Variants in LXN observed in about 807,000 individuals in gnomAD.
The protein encoded by LXN is latexin, also known as MUM.
Under a neutral mutation model 29.8 loss-of-function variants are expected in LXN, and 28 were observed. The observed-to-expected ratio is 0.94, with a 90% CI of 0.70 to 1.29. LXN has a LOEUF of 1.29. Among genes scored for constraint, LXN ranks in the 50% most tolerant of loss-of-function variants. The pLI, the probability that LXN is intolerant of heterozygous loss-of-function variation, is 0.00. For synonymous variants in LXN, 77 were observed against 89.6 expected, an observed-to-expected ratio of 0.86 and a Z score of 0.80; for missense variants, 227 against 261.7, an observed-to-expected ratio of 0.87 and a Z score of 0.92.
intron 1 of LXN, among the ~76,000 whole-genome samples, chr3:158,671,682 G>C (rs1044332527): frequency 3.9e-5 from 6 of 152,120 alleles, no homozygotes; most frequent in African/African-American, 7.2e-5. Context: ...GATAAATAAG[G>C]GATAATCTCA....
chr3:158,670,188 C>T (rs1295092376), intron 2 of LXN, among the ~76,000 whole-genome samples: 1 of 152,176 alleles, frequency 6.6e-6, no homozygotes, highest in Non-Finnish European at 1.5e-5. Flanking sequence ...ATTGCAGTTC[C>T]TTTCTTTTAA....
Position 158,667,081 on chromosome 3 carries a change from CA to C in LXN, c.508-8del. On this transcript the variant is annotated splice_polypyrimidine_tract_variant and splice_region_variant and intron_variant, in intron 4 of 5. Transcript: ENST00000264265. ...TAAAGTCATCATTTCTTTGCTATGACAAAAAATAAAAACGTGTTGTTTAAAA... is the reference window on the plus strand; with the variant it reads ...TAAAGTCATCATTTCTTTGCTATGACAAAAATAAAAACGTGTTGTTTAAAA... The C allele has an allele frequency of 6.4e-7, 1 of 1,571,952 alleles. No individual in the cohort carries two copies. The highest frequency in any genetic ancestry group is 8.6e-7 in the Non-Finnish European group (1 of 1,165,182).
rs773394841 is a variant in LXN, at chr3:158,667,078, T to C, written c.508-4A>G. The C allele has an allele frequency of 1.9e-6, 3 of 1,576,400 alleles. No individual in the cohort carries two copies. The highest frequency in any genetic ancestry group is 1.7e-6 in the Non-Finnish European group (2 of 1,167,138). ...CAATAAAGTCATCATTTCTTTGCTA[T>C]GACAAAAAATAAAAACGTGTTGTTT... On this transcript the variant is annotated splice_region_variant and splice_polypyrimidine_tract_variant and intron_variant, in intron 4 of 5. Transcript: ENST00000264265.
intron 4 of LXN, among the ~76,000 whole-genome samples, chr3:158,668,092 C>T (rs559301302): frequency 6.6e-6 from 1 of 152,230 alleles, no homozygotes; most frequent in East Asian, 1.9e-4. Context: ...CTCTATAGAG[C>T]AGATTAAAGG....
rs778285888 is a variant in LXN, at chr3:158,669,064, T to C, written c.439A>G (p.Ile147Val). Residue 147 changes from isoleucine to valine, a missense_variant, in exon 4 of 6, where the codon ATA becomes GTA. By Grantham distance (29) the Ile-to-Val change is conservative. Transcript: ENST00000264265. ...LHLAWVACGYIIWQNSTEDTW... is the reference protein window; with the variant it reads ...LHLAWVACGYVIWQNSTEDTW... ...TCTTCAGTAGAATTTTGCCATATTA[T>C]ATAACCACAGGCAACCCAGGCTAAA... The C allele has an allele frequency of 2.5e-6, 4 of 1,613,696 alleles. No individual in the cohort carries two copies. The highest frequency in any genetic ancestry group is 4.5e-5 in the East Asian group (2 of 44,824).
intron 5 of LXN, 59 bp from the exon 6 acceptor site, chr3:158,666,803 G>A: frequency 6.6e-7 from 1 of 1,525,778 alleles, no homozygotes; most frequent in Non-Finnish European, 9.1e-7. Context: ...GGAAAACGTA[G>A]TTGGGTTTAT....
chr3:158,667,123 A>C (rs1723781396), intron 4 of LXN, 49 bp from the exon 5 acceptor site: 1 of 1,491,372 alleles, frequency 6.7e-7, no homozygotes, highest in African/African-American at 1.4e-5. Flanking sequence ...TATCTTTGGC[A>C]AAAATTACAT....
At chr3:158,669,839 A>G (rs914494082) in intron 2 of LXN, among the ~76,000 whole-genome samples, 1 of 152,158 alleles carries the variant, frequency 6.6e-6, no homozygotes, top group African/African-American at 2.4e-5. Flanking sequence ...TGGTGTCATA[A>G]TCTTATGAAT....
At chr3:158,670,326 G>A (rs1217419148) in intron 2 of LXN, among the ~76,000 whole-genome samples, 1 of 152,140 alleles carries the variant, frequency 6.6e-6, no homozygotes, top group African/African-American at 2.4e-5. Context: ...CTAAGAGCAC[G>A]TTCTTTCTCT....
At chr3:158,671,202 G>T (rs1242809755) in intron 1 of LXN, among the ~76,000 whole-genome samples, 183 bp from the exon 2 acceptor site, 1 of 152,152 alleles carries the variant, frequency 6.6e-6, no homozygotes, top group East Asian at 1.9e-4. Context: ...CCCCTATCAA[G>T]TTTATTTTGG....
At chr3:158,668,865 T>C in intron 4 of LXN, 131 bp downstream of exon 4, 1 of 742,342 alleles carries the variant, frequency 1.3e-6, no homozygotes, top group Non-Finnish European at 2.1e-6. Flanking sequence ...GTACCTGACC[T>C]CCCCTTTGAA....
chr3:158,666,464 G>A lies in LXN; in HGVS notation c.*182C>T, dbSNP rs1723693213. 7.8e-7 allele frequency: 1 copy of A among 1,275,350 alleles called. No homozygotes were observed. Among genetic ancestry groups the A allele is most frequent in the Non-Finnish European group, 1.1e-6 (1 of 875,006 alleles). The allele number at this position is 1,275,350 out of a possible 1,614,324, so 79.0% of individuals were successfully genotyped here. A position where few individuals can be genotyped will look rare whatever the true frequency, so the allele number is the denominator to read the frequency against. ...TTTGGATATACATACCACTATTACT[G>A]TTTTAAAGACATTTTTATGTAGTGA... is the stretch of plus-strand genomic sequence containing the variant. On this transcript the variant is annotated 3_prime_UTR_variant, in exon 6 of 6. Coordinates refer to ENST00000264265, the MANE Select transcript of LXN (RefSeq NM_020169.4).
Position 158,670,974 on chromosome 3 carries a change from C to T in LXN, c.175G>A (p.Glu59Lys), listed in dbSNP as rs1724232131. ...GHKYHLKFAV[E>K]EIIQKQVKVN... ...TAACTTACTTTTTGTATAATTTCTT[C>T]AACAGCAAATTTAAGGTGATACTTA... The change falls in exon 2 of 6, where the codon GAA becomes AAA. Residue 59 changes from glutamate (E) to lysine (K), a missense_variant. Glu to Lys is a moderately conservative substitution (Grantham distance 56, BLOSUM62 1). Coordinates refer to ENST00000264265, the MANE Select transcript of LXN (RefSeq NM_020169.4). 2 of 1,540,078 alleles carry T rather than the reference C, an allele frequency of 1.3e-6. No individual in the cohort carries two copies. Among genetic ancestry groups the T allele is most frequent in the African/African-American group, 1.4e-5 (1 of 70,030 alleles).
rs185751888 is a variant in LXN, at chr3:158,667,330, C to T, written c.508-256G>A. On this transcript the variant is annotated intron_variant, in intron 4 of 5. Coordinates refer to ENST00000264265, the MANE Select transcript of LXN (RefSeq NM_020169.4). ...GAAATGTTTACCTGTTTTTAGTTTC[C>T]AAGTTGTGGTGGCTACTTAAGAGAA... is the stretch of plus-strand genomic sequence containing the variant. 5.9e-5 allele frequency among the ~76,000 whole-genome samples: 9 copies of T among 152,048 alleles called. No individual in the cohort carries two copies. In the East Asian group the frequency reaches 1.7e-3, roughly 29 times the overall value.
At chr3:158,668,180 C>T (rs921068074) in intron 4 of LXN, among the ~76,000 whole-genome samples, 1 of 152,148 alleles carries the variant, frequency 6.6e-6, no homozygotes, top group Non-Finnish European at 1.5e-5. Context: ...CCAAAATGCA[C>T]GGATGCCCAA....
At chr3:158,666,811 T>G in intron 5 of LXN, 67 bp from the exon 6 acceptor site, 1 of 1,499,708 alleles carries the variant, frequency 6.7e-7, no homozygotes, top group Non-Finnish European at 9.2e-7. Context: ...TAGTTGGGTT[T>G]ATGTTTTGTT....
In LXN at chr3:158,672,647, T is replaced by C. The variant is rs1724465906; in HGVS notation, c.-169A>G. The C allele has an allele frequency of 1.4e-6, 1 of 735,934 alleles. No homozygotes were observed. The highest frequency in any genetic ancestry group is 2.1e-6 in the Non-Finnish European group (1 of 470,272). The allele number at this position is 735,934 out of a possible 1,614,324, so 45.6% of individuals were successfully genotyped here. ...TCCTTCCGACTCCGGAAGCTGCTGTTTGGGCCCAGGCTCCCTGCATCCGAG... is the reference window on the plus strand; with the variant it reads ...TCCTTCCGACTCCGGAAGCTGCTGTCTGGGCCCAGGCTCCCTGCATCCGAG... On this transcript the variant is annotated 5_prime_UTR_variant, in exon 1 of 6. Coordinates refer to ENST00000264265, the MANE Select transcript of LXN (RefSeq NM_020169.4).
intron 5 of LXN, 28 bp downstream of exon 5, chr3:158,666,984 C>T: frequency 7.6e-6 from 12 of 1,583,162 alleles, no homozygotes; most frequent in Non-Finnish European, 6.9e-6. Flanking sequence ...TTCAGAATGG[C>T]ATCAAATAAA....
At chr3:158,668,257 C>G (rs1369247875) in intron 4 of LXN, among the ~76,000 whole-genome samples, 1 of 152,168 alleles carries the variant, frequency 6.6e-6, no homozygotes, top group East Asian at 1.9e-4. Flanking sequence ...TACTTTAAAT[C>G]ATCTCTAGAT....
Sources: gnomAD v4.1 joint callset for allele counts (sites outside exome capture counted in the v4.1 genomes callset) on GRCh38, gnomAD v4.1.1 for gene constraint, MANE v1.5 for transcripts, NCBI Gene and HGNC (gene_info 2026-07-23, HGNC 2026-07-21) for gene names.